Variants in TBC1D8B observed in about 807,000 individuals in gnomAD.
TBC1D8B encodes RP11-321G1.1.
TBC1D8B carries 75 observed loss-of-function variants against 82.9 expected under a neutral mutation model. The ratio of observed to expected loss-of-function variants is 0.90; its 90% CI spans 0.75 to 1.10. The LOEUF is 1.10. Ranked by LOEUF, TBC1D8B falls within the 50% of genes least tolerant of loss-of-function variation. The pLI is 0.00. For synonymous variants in TBC1D8B, 276 were observed against 276.8 expected (o/e 1.00, Z 0.03); for missense variants, 794 against 796.9 (o/e 1.00, Z 0.04).
At chrX:106,826,968 A>G (rs1242410073) in intron 6 of TBC1D8B, among the ~76,000 whole-genome samples, 6 of 111,541 alleles carry the variant, frequency 5.4e-5, no homozygotes. Context: ...GATACATGTT[A>G]GACCTTTTTC....
chrX:106,852,432 T>C (rs1305059885), intron 12 of TBC1D8B, among the ~76,000 whole-genome samples: 2 of 110,074 alleles, frequency 1.8e-5, no homozygotes, highest in Non-Finnish European at 3.8e-5. Context: ...AGATCCCATT[T>C]GTCAATTTTG....
chrX:106,870,860 T>C (rs1018836139), intron 20 of TBC1D8B, 47 bp downstream of exon 20: 9 of 863,070 alleles, frequency 1.0e-5, no homozygotes, highest in South Asian at 7.3e-5. Flanking sequence ...CTTTTTTGTA[T>C]GGATGTGGGT....
At chrX:106,824,354 A>G (rs1295874507) in intron 5 of TBC1D8B, among the ~76,000 whole-genome samples, 1 of 111,187 alleles carries the variant, frequency 9.0e-6, no homozygotes, top group African/African-American at 3.3e-5. Flanking sequence ...TGATCACTAC[A>G]TAGCCCTCAT....
At chrX:106,815,907 A>G (rs1363309177) in intron 1 of TBC1D8B, 1 of 111,423 alleles carries the variant, frequency 9.0e-6, no homozygotes, top group East Asian at 2.8e-4. Flanking sequence ...GATGGGTCGT[A>G]TCTTAAAATA....
At chrX:106,805,496 A>G in intron 1 of TBC1D8B, among the ~76,000 whole-genome samples, 1 of 111,663 alleles carries the variant, frequency 9.0e-6, no homozygotes, top group Middle Eastern at 4.7e-3. Flanking sequence ...ATTTGTCTGA[A>G]GAAATAAACT....
rs774824790 is a variant in TBC1D8B at position 106,802,676 on chromosome X, A to C, written c.-178A>C. On this transcript the variant is annotated 5_prime_UTR_variant, in exon 1 of 21. Transcript: ENST00000357242. ...GGTAGCGCTGTGGGAGGGAATTGGCAATCTCTCTGCCTACGTGGGAGAGAA... is the reference window on the plus strand; with the variant it reads ...GGTAGCGCTGTGGGAGGGAATTGGCCATCTCTCTGCCTACGTGGGAGAGAA... 5 of 589,646 alleles carry C rather than the reference A, an allele frequency of 8.5e-6. No homozygotes were observed. The highest frequency in any genetic ancestry group is 6.3e-5 in the South Asian group (2 of 31,527). 48.6% of individuals were successfully genotyped at this position (589,646 alleles called of 1,213,427 possible).
rs1447759124 is a variant in TBC1D8B at position 106,853,077 on chromosome X, G to A, written c.2124-444G>A. On this transcript the variant is annotated intron_variant, in intron 12 of 20. Coordinates refer to ENST00000357242, the MANE Select transcript of TBC1D8B (RefSeq NM_017752.3). Reference sequence around the variant, plus strand: ...ATGAGCATGGAATGTTCTTCTATTTGTTTGTATCCTCTTTTATTTCCTTGA... The same window carrying A: ...ATGAGCATGGAATGTTCTTCTATTTATTTGTATCCTCTTTTATTTCCTTGA... 3.6e-5 allele frequency among the ~76,000 whole-genome samples: 4 copies of A among 111,266 alleles called. No homozygotes were observed. The Admixed American group carries it at 3.8e-4, about 11-fold the overall frequency.
At chrX:106,833,624 C>A (rs1057085884) in intron 7 of TBC1D8B, among the ~76,000 whole-genome samples, 2 of 111,345 alleles carry the variant, frequency 1.8e-5, no homozygotes, top group African/African-American at 6.5e-5. Context: ...TTCTAACCAC[C>A]TACTGCCTGT....
At chrX:106,873,385 C>T (rs1323669918) in intron 20 of TBC1D8B, among the ~76,000 whole-genome samples, 185 bp from the exon 21 acceptor site, 1 of 112,073 alleles carries the variant, frequency 8.9e-6, no homozygotes, top group Admixed American at 9.4e-5. Context: ...TGTGCCACCG[C>T]GCCTGGCCCA....
chrX:106,818,030 G>A (rs933662723), intron 1 of TBC1D8B, among the ~76,000 whole-genome samples: 2 of 110,538 alleles, frequency 1.8e-5, no homozygotes, highest in African/African-American at 6.5e-5. Flanking sequence ...CCTAATTGAG[G>A]AATTAAGAAT....
intron 2 of TBC1D8B, among the ~76,000 whole-genome samples, 172 bp downstream of exon 2, chrX:106,818,945 GTT>G (rs370976127): frequency 1.7e-4 from 17 of 98,978 alleles, no homozygotes; most frequent in African/African-American, 5.8e-4. Context: ...GGGTTATTAA[GTT>G]TTTTTTTTTT....
At chrX:106,809,247 G>T (rs1931282832) in intron 1 of TBC1D8B, among the ~76,000 whole-genome samples, 1 of 111,589 alleles carries the variant, frequency 9.0e-6, no homozygotes, top group South Asian at 3.8e-4. Flanking sequence ...AAAAAACAAA[G>T]TCCCTACTCT....
At chrX:106,823,137 G>A in intron 4 of TBC1D8B, 89 bp from the exon 5 acceptor site, 1 of 970,579 alleles carries the variant, frequency 1.0e-6, no homozygotes, top group African/African-American at 1.9e-5. Flanking sequence ...TATTTTTCAA[G>A]GGATTAACTA....
At chrX:106,814,596 T>A (rs1451120848) in intron 1 of TBC1D8B, 4 of 107,690 alleles carry the variant, frequency 3.7e-5, no homozygotes, top group Non-Finnish European at 5.8e-5. Flanking sequence ...GTATTTCTAG[T>A]TCTAGATCCC....
intron 7 of TBC1D8B, among the ~76,000 whole-genome samples, chrX:106,837,139 T>C (rs1932193436): frequency 8.9e-6 from 1 of 111,998 alleles, no homozygotes; most frequent in Non-Finnish European, 1.9e-5. Flanking sequence ...ATTAGGCAAT[T>C]GTTTATAGAT....
chrX:106,873,835 C>T lies in TBC1D8B; in HGVS notation c.3233C>T (p.Ala1078Val), dbSNP rs199726374. 199 of 1,210,492 alleles carry T rather than the reference C, an allele frequency of 1.6e-4. No individual in the cohort carries two copies. The highest frequency in any genetic ancestry group is 6.3e-4 in the Admixed American group (29 of 45,788). ...AGGGAGGAACCTCAGTGGTCATTTG[C>T]ATTTGAACAGATTCTTGCATCGCTG... The part of the protein sequence containing the change: ...SFREEPQWSF[A>V]FEQILASLLN... Residue 1078 changes from alanine to valine, a missense_variant, in exon 21 of 21, where the codon GCA becomes GTA. Coordinates refer to ENST00000357242, the MANE Select transcript of TBC1D8B (RefSeq NM_017752.3).
intron 1 of TBC1D8B, among the ~76,000 whole-genome samples, chrX:106,817,812 T>A (rs1931585189): frequency 9.0e-6 from 1 of 111,246 alleles, no homozygotes; most frequent in Admixed American, 9.6e-5. Context: ...AATGTAGAAT[T>A]CAGATTAGTT....
chrX:106,804,856 T>C lies in TBC1D8B; in HGVS notation c.130+1873T>C, dbSNP rs556572912. ...GTGAGCCGTAATAGGGCCACTGCAC[T>C]CCAGCCTGGGCAACAGAGGGAGACT... On this transcript the variant is annotated intron_variant, in intron 1 of 20. Transcript: ENST00000357242. Among the ~76,000 whole-genome samples, 5 of 109,027 alleles carry C rather than the reference T, an allele frequency of 4.6e-5. 1 individual carries two copies. In the South Asian group the frequency reaches 2.0e-3, roughly 44 times the overall value. The allele number at this position is 109,027 out of a possible 115,157, so 94.7% of individuals were successfully genotyped here.
intron 5 of TBC1D8B, among the ~76,000 whole-genome samples, chrX:106,824,951 C>T (rs1602412794): frequency 9.0e-6 from 1 of 111,137 alleles, no homozygotes; most frequent in Non-Finnish European, 1.9e-5. Context: ...AGCGTATATC[C>T]TTCTAGGCTT....
Sources: allele counts gnomAD v4.1 joint callset (sites outside exome capture counted in the v4.1 genomes callset), GRCh38; gene constraint gnomAD v4.1.1; transcripts MANE v1.5; gene names NCBI Gene and HGNC (gene_info 2026-07-23, HGNC 2026-07-21).